Variants in CHN1 observed in about 807,000 individuals in gnomAD.
CHN1 encodes the protein chimerin 1, also known as N-chimaerin.
A neutral mutation model predicts 59.5 loss-of-function variants in CHN1; 37 were observed. The observed-to-expected ratio is 0.62, with a 90% CI of 0.48 to 0.82. CHN1 has a LOEUF of 0.82. Ranked by LOEUF, CHN1 falls within the 40% of genes least tolerant of loss-of-function variation. The probability of loss-of-function intolerance (pLI) is 0.00; values close to 1 mark genes in which losing one functional copy is unlikely to be tolerated. For missense variants in CHN1, 469 were observed against 571.0 expected, an observed-to-expected ratio of 0.82 and a Z score of 1.82; for synonymous variants, 206 against 200.4, an observed-to-expected ratio of 1.03 and a Z score of -0.24.
At chr2:174,803,734 T>C (rs1229811806) in intron 11 of CHN1, among the ~76,000 whole-genome samples, 1 of 151,986 alleles carries the variant, frequency 6.6e-6, no homozygotes, top group East Asian at 1.9e-4. Flanking sequence ...GTTAATTTTT[T>C]ATGGAGACAA....
Position 174,912,921 on chromosome 2 carries a change from C to T in CHN1, c.260+2137G>A, listed in dbSNP as rs80047926. On this transcript the variant is annotated intron_variant, in intron 5 of 12. Coordinates refer to ENST00000409900, the MANE Select transcript of CHN1 (RefSeq NM_001822.7). ...TAACAAAAGAAAGACTGTAAGTTAC[C>T]CCAGAGATATTAATTTGAAACATTT... 9.4e-3 allele frequency among the ~76,000 whole-genome samples: 1,428 copies of T among 151,984 alleles called. 25 individuals are homozygous for T. The highest frequency in any genetic ancestry group is 0.032 in the African/African-American group (1,345 of 41,434).
chr2:174,892,147 AGT>A (rs1688072527), intron 5 of CHN1, among the ~76,000 whole-genome samples: 1 of 152,206 alleles, frequency 6.6e-6, no homozygotes, highest in South Asian at 2.1e-4. Context: ...AGATGGCTTC[AGT>A]GAAAAACTCT....
At chr2:174,899,894 T>C (rs1558973312) in intron 5 of CHN1, among the ~76,000 whole-genome samples, 2 of 152,208 alleles carry the variant, frequency 1.3e-5, no homozygotes, top group Non-Finnish European at 1.5e-5. Flanking sequence ...CTGTGAGGCA[T>C]TAGTGTTATC....
At chr2:174,958,548 A>G (rs1318818989) in intron 1 of CHN1, among the ~76,000 whole-genome samples, 1 of 152,224 alleles carries the variant, frequency 6.6e-6, no homozygotes, top group African/African-American at 2.4e-5. Context: ...AAGGTGAGAA[A>G]GAAAGGCTAA....
intron 5 of CHN1, among the ~76,000 whole-genome samples, chr2:174,889,931 T>C (rs907118332): frequency 6.0e-5 from 9 of 149,598 alleles, no homozygotes; most frequent in African/African-American, 2.0e-4. Flanking sequence ...ATATATGAAA[T>C]ACACAAAAGA....
intron 1 of CHN1, among the ~76,000 whole-genome samples, chr2:174,977,222 T>C (rs1486987787): frequency 6.6e-6 from 1 of 152,234 alleles, no homozygotes; most frequent in Admixed American, 6.5e-5. Context: ...TTAGTGGACA[T>C]GGCTTTCCTA....
chr2:174,982,736 A>T, intron 1 of CHN1, among the ~76,000 whole-genome samples: 1 of 152,190 alleles, frequency 6.6e-6, no homozygotes, highest in East Asian at 1.9e-4. Flanking sequence ...CTTTTTCTGT[A>T]AGCAAGAGCA....
At chr2:174,981,811 T>G (rs1417217643) in intron 1 of CHN1, among the ~76,000 whole-genome samples, 1 of 152,218 alleles carries the variant, frequency 6.6e-6, no homozygotes, top group African/African-American at 2.4e-5. Context: ...TTTTTATTAT[T>G]ATACTTTAAG....
intron 1 of CHN1, among the ~76,000 whole-genome samples, chr2:174,988,304 T>C (rs1401014778): frequency 1.1e-4 from 16 of 145,122 alleles, no homozygotes; most frequent in East Asian, 6.1e-4. Context: ...TTGCAGTGAG[T>C]CGAGATCGCG....
intron 1 of CHN1, among the ~76,000 whole-genome samples, chr2:174,964,123 G>C (rs948780965): frequency 2.6e-5 from 4 of 152,180 alleles, no homozygotes; most frequent in Non-Finnish European, 4.4e-5. Flanking sequence ...GAGAGAGGAT[G>C]AAAGAACTAG....
chr2:174,859,859 C>G (rs1312383493), intron 6 of CHN1, among the ~76,000 whole-genome samples: 1 of 152,254 alleles, frequency 6.6e-6, no homozygotes, highest in Admixed American at 6.5e-5. Flanking sequence ...ACACTCACAA[C>G]TGAAAATGAC....
rs141076500 is a variant in CHN1, at chr2:174,991,519, ATGTAAC to A, written c.19+13369_19+13374del. Among the ~76,000 whole-genome samples the A allele has an allele frequency of 2.2e-4, 33 of 152,368 alleles. 1 individual carries two copies. In the East Asian group the frequency reaches 5.4e-3, roughly 25 times the overall value. ...GTTTTTATAAAATATAACAGTATAA[ATGTAAC>A]TGTAATTTCACAGGAAACTTTTGGG... On this transcript the variant is annotated intron_variant, in intron 1 of 12. Transcript: ENST00000409900.
intron 5 of CHN1, among the ~76,000 whole-genome samples, chr2:174,893,903 T>C (rs368365104): frequency 9.2e-5 from 14 of 152,256 alleles, no homozygotes; most frequent in African/African-American, 3.1e-4. Flanking sequence ...CAAACAGTGT[T>C]GGGAAATCTA....
intron 5 of CHN1, 120 bp downstream of exon 5, chr2:174,914,938 A>G: frequency 1.8e-6 from 1 of 546,998 alleles, no homozygotes; most frequent in Non-Finnish European, 3.2e-6. Context: ...TAAAATGGTA[A>G]TTAGATCCCA....
intron 8 of CHN1, among the ~76,000 whole-genome samples, chr2:174,815,178 AC>A (rs1685202942): frequency 6.6e-6 from 1 of 152,122 alleles, no homozygotes; most frequent in African/African-American, 2.4e-5. Context: ...GGAGTTTGAG[AC>A]AAGCCTAGGC....
At chr2:174,940,031 A>T (rs556572019) in intron 3 of CHN1, among the ~76,000 whole-genome samples, 1 of 151,020 alleles carries the variant, frequency 6.6e-6, no homozygotes, top group East Asian at 1.9e-4. Flanking sequence ...ATTTTATTTT[A>T]TTTATTTATT....
At chr2:174,991,960 A>C (rs1283380237) in intron 1 of CHN1, among the ~76,000 whole-genome samples, 1 of 152,262 alleles carries the variant, frequency 6.6e-6, no homozygotes, top group Non-Finnish European at 1.5e-5. Context: ...AAAAGATGAC[A>C]AAAATAAGAT....
At chr2:174,808,177 A>ACT (rs1230080915) in intron 11 of CHN1, among the ~76,000 whole-genome samples, 23 of 152,366 alleles carry the variant, frequency 1.5e-4, no homozygotes, top group African/African-American at 4.8e-4. Context: ...GTCTGAGTGA[A>ACT]CTTATACAAG....
At chr2:174,863,182 G>T (rs1687118726) in intron 6 of CHN1, among the ~76,000 whole-genome samples, 2 of 152,126 alleles carry the variant, frequency 1.3e-5, no homozygotes, top group Non-Finnish European at 2.9e-5. Context: ...ACATTTGGAA[G>T]ACCTACGTAA....
Sources: allele counts gnomAD v4.1 joint callset (sites outside exome capture counted in the v4.1 genomes callset), GRCh38; gene constraint gnomAD v4.1.1; transcripts MANE v1.5; gene names NCBI Gene and HGNC (gene_info 2026-07-23, HGNC 2026-07-21).